The following ARHGAP32 variants were observed in gnomAD, a reference collection of about 807,000 sequenced individuals.
ARHGAP32 encodes the protein rho GTPase-activating protein 32.
Under a neutral mutation model 186.5 loss-of-function variants are expected in ARHGAP32, and 51 were observed. That is an observed-to-expected ratio of 0.27 (90% CI 0.22 to 0.35). The LOEUF (loss-of-function observed/expected upper bound fraction) is 0.35, where lower values mean the gene tolerates loss of function less well. Ranked by LOEUF, ARHGAP32 falls within the 10% of genes least tolerant of loss-of-function variation. ARHGAP32 has a pLI of 1.00. For synonymous variants in ARHGAP32, 950 were observed against 964.3 expected (o/e 0.99, Z 0.27); for missense variants, 2,186 against 2,623.5 (o/e 0.83, Z 3.64).
chr11:129,193,606 ATAT>A (rs1944329897), upstream of ARHGAP32, among the ~76,000 whole-genome samples: 2 of 79,334 alleles, frequency 2.5e-5, no homozygotes, highest in Non-Finnish European at 4.6e-5. Context: ...TATATATAAT[ATAT>A]AATATATGTT....
intron 10 of ARHGAP32, 68 bp from the exon 11 acceptor site, chr11:129,041,077 T>C (rs1253918181): frequency 2.0e-6 from 2 of 1,022,726 alleles, no homozygotes; most frequent in East Asian, 5.2e-5. Flanking sequence ...CACTGCCAAC[T>C]GAATTCCAGT....
At position 129,190,565 on chromosome 11, in the gene ARHGAP32, A is replaced by C. The variant is rs1473299; in HGVS notation, c.116+1518T>G. On this transcript the variant is annotated intron_variant, in intron 1 of 22. Coordinates refer to ENST00000682385, the MANE Select transcript of ARHGAP32 (RefSeq NM_001378024.1). ...CCAAGGAAAAGAAGAGCTCATCCTT[A>C]CACAAATTTGCTTTTAACTGTCAAA... Among the ~76,000 whole-genome samples, 1,314 of 152,330 alleles carry C rather than the reference A, an allele frequency of 8.6e-3. 64 individuals are homozygous for C. Among genetic ancestry groups the C allele is most frequent in the Admixed American group, 0.076 (1,157 of 15,286 alleles).
chr11:129,033,481 C>A (rs1213836465), intron 11 of ARHGAP32, among the ~76,000 whole-genome samples: 1 of 152,176 alleles, frequency 6.6e-6, no homozygotes, highest in Non-Finnish European at 1.5e-5. Flanking sequence ...AGGCTTCGAT[C>A]TGCATTTTCC....
At chr11:129,060,106 G>C (rs1347940740) in intron 10 of ARHGAP32, among the ~76,000 whole-genome samples, 1 of 152,136 alleles carries the variant, frequency 6.6e-6, no homozygotes, top group Non-Finnish European at 1.5e-5. Flanking sequence ...AAAAGAATTA[G>C]TTTGTTTAGG....
At position 128,978,863 on chromosome 11, in the gene ARHGAP32, A is replaced by G; in HGVS notation, c.2029T>C (p.Phe677Leu). 6.2e-7 allele frequency: 1 copy of G among 1,611,998 alleles called. No homozygotes were observed. The highest frequency in any genetic ancestry group is 8.5e-7 in the Non-Finnish European group (1 of 1,179,118). Residue 677 changes from phenylalanine (F) to leucine (L), a missense_variant, in exon 19 of 23, where the codon TTT (phenylalanine) becomes CTT (leucine). This residue lies in a region of ARHGAP32 where 263 missense variants were observed against 323.5 expected (regional missense o/e 0.81). Coordinates refer to ENST00000682385, the MANE Select transcript of ARHGAP32 (RefSeq NM_001378024.1). ...GATGATGATTTCCCCAAGTTGAAAAAGGAACGCCAGCTACCCACAGGAGAC... is the reference window on the plus strand; with the variant it reads ...GATGATGATTTCCCCAAGTTGAAAAGGGAACGCCAGCTACCCACAGGAGAC... The part of the protein sequence containing the change: ...KKSPVGSWRS[F>L]FNLGKSSSVS...
In ARHGAP32 at chr11:128,969,366, T is replaced by TA; in HGVS notation, c.5846dup (p.Leu1949PhefsTer20). ...GCCTTACCTCTTTGTGGTTCAGTCT[T>TA]AAAGATTCTTGCCCGGATGCAGCAT... On this transcript the variant is annotated frameshift_variant, in exon 23 of 23. Transcript: ENST00000682385. LOFTEE classifies it high-confidence loss of function. This position sits in a 1 kb window ranked among gnomAD's most constrained non-coding sequence, Gnocchi z 4.8. 6.2e-7 allele frequency: 1 copy of TA among 1,614,212 alleles called. No homozygotes were observed. Among genetic ancestry groups the TA allele is most frequent in the Non-Finnish European group, 8.5e-7 (1 of 1,180,038 alleles).
At chr11:129,060,151 T>A (rs1940431187) in intron 10 of ARHGAP32, among the ~76,000 whole-genome samples, 1 of 152,212 alleles carries the variant, frequency 6.6e-6, no homozygotes, top group Non-Finnish European at 1.5e-5. Flanking sequence ...AACAAAACTT[T>A]GGGGTATAAA....
intron 1 of ARHGAP32, among the ~76,000 whole-genome samples, chr11:129,180,930 C>T (rs1268715490): frequency 1.3e-5 from 2 of 152,248 alleles, no homozygotes; most frequent in Admixed American, 6.6e-5. Flanking sequence ...CACATATTCA[C>T]TTTATTTGTA....
intron 2 of ARHGAP32, among the ~76,000 whole-genome samples, chr11:129,130,260 C>A (rs150355548): frequency 6.6e-6 from 1 of 152,048 alleles, no homozygotes; most frequent in African/African-American, 2.4e-5. Flanking sequence ...TCAATCAGAA[C>A]AGTACAGTTT....
intron 2 of ARHGAP32, among the ~76,000 whole-genome samples, chr11:129,129,349 G>T (rs1256072048): frequency 2.0e-5 from 3 of 150,518 alleles, no homozygotes; most frequent in South Asian, 2.2e-4. Context: ...CCCTCCGCCC[G>T]GCAGCCGCCC....
chr11:129,024,573 T>A (rs1050151573), intron 11 of ARHGAP32, among the ~76,000 whole-genome samples: 5 of 152,232 alleles, frequency 3.3e-5, no homozygotes, highest in Non-Finnish European at 7.3e-5. Context: ...CACATTTTTT[T>A]AAGTATCAAC....
At chr11:129,183,559 G>T (rs765574873) in intron 1 of ARHGAP32, among the ~76,000 whole-genome samples, 89 of 151,962 alleles carry the variant, frequency 5.9e-4, no homozygotes, top group Non-Finnish European at 1.0e-3. Flanking sequence ...TCTCATCTTT[G>T]TTGCTCCTGA....
chr11:129,008,445 T>C (rs1457237882), intron 11 of ARHGAP32, among the ~76,000 whole-genome samples: 1 of 152,194 alleles, frequency 6.6e-6, no homozygotes, highest in African/African-American at 2.4e-5. Context: ...TACACAAGAT[T>C]AGACATCTGC....
chr11:129,112,236 CAA>C (rs35290084), intron 5 of ARHGAP32, among the ~76,000 whole-genome samples: 1 of 140,216 alleles, frequency 7.1e-6, no homozygotes. Context: ...GAGCAAGACT[CAA>C]AAAAAAAAAA....
intron 2 of ARHGAP32, among the ~76,000 whole-genome samples, chr11:129,147,171 A>T (rs1040562901): frequency 1.3e-5 from 2 of 152,106 alleles, no homozygotes; most frequent in Non-Finnish European, 2.9e-5. Context: ...GCCCTCAAGG[A>T]GCTTACACAT....
At chr11:129,087,913 T>C (rs1941459800) in intron 6 of ARHGAP32, among the ~76,000 whole-genome samples, 1 of 152,232 alleles carries the variant, frequency 6.6e-6, no homozygotes, top group Admixed American at 6.5e-5. Flanking sequence ...AATAAAAAGT[T>C]ATTAATTTTT....
intron 9 of ARHGAP32, 97 bp downstream of exon 9, chr11:129,063,805 A>AT (rs910759241): frequency 1.6e-5 from 22 of 1,350,406 alleles, no homozygotes; most frequent in Non-Finnish European, 2.2e-5. Context: ...GGTGCTTTTC[A>AT]TTTTTTTAAA....
intron 5 of ARHGAP32, among the ~76,000 whole-genome samples, chr11:129,103,681 T>C (rs191708208): frequency 6.6e-6 from 1 of 152,106 alleles, no homozygotes; most frequent in East Asian, 1.9e-4. Flanking sequence ...TGGAAAAGTA[T>C]AAATAACAGC....
intron 15 of ARHGAP32, among the ~76,000 whole-genome samples, chr11:128,982,719 T>C (rs144314681): frequency 1.3e-5 from 2 of 151,334 alleles, no homozygotes; most frequent in Non-Finnish European, 2.9e-5. Context: ...AAACCCCATC[T>C]CTACAAAAAG....
Sources: gnomAD v4.1 joint callset for allele counts (sites outside exome capture counted in the v4.1 genomes callset) on GRCh38, gnomAD v4.1.1 for gene constraint, gnomAD v4.1.1 regional missense constraint, Gnocchi (gnomAD v3.1) non-coding constraint, MANE v1.5 for transcripts, NCBI Gene and HGNC (gene_info 2026-07-23, HGNC 2026-07-21) for gene names.